SV2C: variants seen among roughly 807,000 people sequenced by gnomAD.
SV2C encodes solute carrier family 22 member B3.
Under a neutral mutation model 79.7 loss-of-function variants are expected in SV2C, and 49 were observed. The ratio of observed to expected loss-of-function variants is 0.61; its 90% confidence interval spans 0.49 to 0.78. The LOEUF is 0.78. Among genes scored for constraint, SV2C ranks in the 30% least tolerant of loss-of-function variants. The pLI is 0.00. For synonymous variants in SV2C, 334 were observed against 333.2 expected (o/e 1.00, Z -0.03); for missense variants, 833 against 912.9 (o/e 0.91, Z 1.13).
the SV2C span, among the ~76,000 whole-genome samples, chr5:76,070,452 T>TC: frequency 6.6e-6 from 1 of 152,184 alleles, no homozygotes; most frequent in Admixed American, 6.5e-5. Flanking sequence ...TTCAGTCTCT[T>TC]CTTCTCCCCT....
At chr5:75,917,186 C>T in the SV2C span, among the ~76,000 whole-genome samples, 1 of 152,244 alleles carries the variant, frequency 6.6e-6, no homozygotes, top group African/African-American at 2.4e-5. Flanking sequence ...TAGGAGAATC[C>T]AAATTAAGAT....
chr5:76,248,660 C>T (rs1193803623), intron 4 of SV2C, among the ~76,000 whole-genome samples: 1 of 151,676 alleles, frequency 6.6e-6, no homozygotes, highest in East Asian at 1.9e-4. Context: ...GCTCTGTCAC[C>T]CAGGCTGGAG....
chr5:76,164,502 T>A (rs1316309913), intron 2 of SV2C, among the ~76,000 whole-genome samples: 1 of 152,228 alleles, frequency 6.6e-6, no homozygotes, highest in African/African-American at 2.4e-5. Flanking sequence ...ATTTAACTTA[T>A]GTTGTCTCCA....
chr5:75,975,437 T>C, the SV2C span, among the ~76,000 whole-genome samples: 2 of 152,194 alleles, frequency 1.3e-5, no homozygotes, highest in African/African-American at 4.8e-5. Context: ...AGACATATTT[T>C]ATTTCCAATT....
At chr5:75,902,592 T>C in the SV2C span, among the ~76,000 whole-genome samples, 1 of 152,202 alleles carries the variant, frequency 6.6e-6, no homozygotes, top group Non-Finnish European at 1.5e-5. Context: ...GCTCAAATGG[T>C]CTATTTTGCC....
chr5:75,913,870 T>G, the SV2C span, among the ~76,000 whole-genome samples: 4 of 152,170 alleles, frequency 2.6e-5, no homozygotes, highest in African/African-American at 9.7e-5. Context: ...ATTTCAGCCT[T>G]TGTATGGAAA....
chr5:76,187,178 A>G (rs1743947421), intron 2 of SV2C, among the ~76,000 whole-genome samples: 1 of 152,246 alleles, frequency 6.6e-6, no homozygotes, highest in African/African-American at 2.4e-5. Context: ...AGAGCCATAC[A>G]TGCACAAAAC....
chr5:75,865,990 T>C, the SV2C span, among the ~76,000 whole-genome samples: 1 of 152,102 alleles, frequency 6.6e-6, no homozygotes, highest in African/African-American at 2.4e-5. Context: ...CTCCTGCCAT[T>C]GGGAGGAGTT....
intron 4 of SV2C, among the ~76,000 whole-genome samples, chr5:76,259,899 A>G (rs1328745837): frequency 6.6e-6 from 1 of 152,224 alleles, no homozygotes; most frequent in East Asian, 1.9e-4. Context: ...TAGTCCTGCA[A>G]TAAACATATG....
the SV2C span, among the ~76,000 whole-genome samples, chr5:76,049,025 A>AAGAAAGAAAGAG: frequency 1.2e-4 from 6 of 48,220 alleles, no homozygotes; most frequent in Non-Finnish European, 1.5e-4. Flanking sequence ...GAAAGAAAGA[A>AAGAAAGAAAGAG]AAAGAAAAGA....
the SV2C span, among the ~76,000 whole-genome samples, chr5:75,999,375 A>AAG: frequency 0.17 from 22,111 of 133,792 alleles, 1,832 homozygotes; most frequent in East Asian, 0.48. Context: ...GGGAGGGAGA[A>AAG]AGAGAGAGAG....
the SV2C span, among the ~76,000 whole-genome samples, chr5:76,032,391 G>A: frequency 3.3e-5 from 5 of 151,614 alleles, no homozygotes; most frequent in East Asian, 1.9e-4. Context: ...ATGCTATCCC[G>A]CCCCTCTCCC....
At chr5:76,069,834 TCA>T in the SV2C span, among the ~76,000 whole-genome samples, 2 of 146,380 alleles carry the variant, frequency 1.4e-5, no homozygotes, top group Non-Finnish European at 3.0e-5. Context: ...TCTCTCTCTC[TCA>T]CACACACACA....
the SV2C span, among the ~76,000 whole-genome samples, chr5:76,033,817 G>A: frequency 4.0e-5 from 6 of 151,842 alleles, no homozygotes; most frequent in Admixed American, 2.6e-4. Context: ...GGATGGCATT[G>A]AATCTGTAAA....
At chr5:75,899,389 T>C in the SV2C span, among the ~76,000 whole-genome samples, 1 of 152,240 alleles carries the variant, frequency 6.6e-6, no homozygotes, top group Non-Finnish European at 1.5e-5. Context: ...TTGAGTGAGT[T>C]TCTTAATCCT....
At chr5:75,932,438 A>G in the SV2C span, among the ~76,000 whole-genome samples, 3 of 123,102 alleles carry the variant, frequency 2.4e-5, no homozygotes, top group African/African-American at 1.1e-4. Context: ...AGATACAGAA[A>G]CAGAGTGCAA....
chr5:75,899,738 A>G, the SV2C span, among the ~76,000 whole-genome samples: 29 of 152,026 alleles, frequency 1.9e-4, no homozygotes, highest in Non-Finnish European at 2.8e-4. Flanking sequence ...TGCTTTATGA[A>G]TCTGGGTGCT....
At chr5:76,173,980 C>T in intron 2 of SV2C, 2 of 1,556,864 alleles carry the variant, frequency 1.3e-6, no homozygotes, top group East Asian at 2.2e-5. Flanking sequence ...TGTATAAATC[C>T]CTCATTGCTG....
the SV2C span, among the ~76,000 whole-genome samples, chr5:75,972,374 A>G: frequency 6.6e-6 from 1 of 152,092 alleles, no homozygotes; most frequent in African/African-American, 2.4e-5. Context: ...AGAAACTACC[A>G]TCAGAGTGAA....
Sources: gnomAD v4.1 joint callset for allele counts (sites outside exome capture counted in the v4.1 genomes callset) on GRCh38, gnomAD v4.1.1 for gene constraint, MANE v1.5 for transcripts, NCBI Gene and HGNC (gene_info 2026-07-23, HGNC 2026-07-21) for gene names.